GALK2: variants seen among roughly 807,000 people sequenced by gnomAD.
GALK2 encodes galactokinase 2, also known as N-acetylgalactosamine kinase.
Under a neutral mutation model 52.4 loss-of-function variants are expected in GALK2, and 36 were observed. The observed-to-expected ratio is 0.69, with a 90% CI of 0.53 to 0.91. The LOEUF is 0.91. Among genes scored for constraint, GALK2 ranks in the 40% least tolerant of loss-of-function variants. The pLI is 0.00. For synonymous variants in GALK2, 176 were observed against 199.1 expected, an observed-to-expected ratio of 0.88 and a Z score of 0.98; for missense variants, 579 against 559.1, an observed-to-expected ratio of 1.04 and a Z score of -0.36.
intron 1 of GALK2, among the ~76,000 whole-genome samples, chr15:49,177,313 T>G (rs554281848): frequency 6.6e-6 from 1 of 151,420 alleles, no homozygotes; most frequent in African/African-American, 2.4e-5. Flanking sequence ...TTTTCTTTTT[T>G]TCTTTTAAAT....
intron 3 of GALK2, among the ~76,000 whole-genome samples, chr15:49,223,568 G>T (rs1186808510): frequency 6.6e-6 from 1 of 152,104 alleles, no homozygotes; most frequent in African/African-American, 2.4e-5. Context: ...AGTCCTCAGT[G>T]TCTATTGTTC....
chr15:49,337,455 T>C (rs1332732939), intron 3 of GALK2, among the ~76,000 whole-genome samples: 1 of 151,720 alleles, frequency 6.6e-6, no homozygotes, highest in African/African-American at 2.4e-5. Context: ...ATGCTAAGCA[T>C]TTTTGCATAT....
At chr15:49,229,638 G>A (rs918621767) in intron 3 of GALK2, among the ~76,000 whole-genome samples, 1 of 152,082 alleles carries the variant, frequency 6.6e-6, no homozygotes. Flanking sequence ...CTGGCAGGGC[G>A]GGCCTATCCT....
chr15:49,323,617 A>C (rs7168201), intron 9 of GALK2, among the ~76,000 whole-genome samples: 62,977 of 152,052 alleles, frequency 0.41, 13,182 homozygotes, highest in African/African-American at 0.43. Flanking sequence ...TGCTATACAC[A>C]AGCAGAAAAT....
At chr15:49,251,402 G>T (rs913273967) in intron 5 of GALK2, among the ~76,000 whole-genome samples, 3 of 152,114 alleles carry the variant, frequency 2.0e-5, no homozygotes, top group Admixed American at 2.0e-4. Flanking sequence ...GTAGAATTCA[G>T]TATAATGACT....
chr15:49,308,411 C>G (rs2035721722), intron 8 of GALK2, among the ~76,000 whole-genome samples: 1 of 152,192 alleles, frequency 6.6e-6, no homozygotes, highest in Non-Finnish European at 1.5e-5. Flanking sequence ...ATGAAAGTCT[C>G]AGAAAGATTA....
chr15:49,270,289 T>G (rs140340597), intron 5 of GALK2, among the ~76,000 whole-genome samples: 2 of 152,364 alleles, frequency 1.3e-5, no homozygotes, highest in African/African-American at 4.8e-5. Context: ...TTACTAAGAT[T>G]CCTGGAGGCC....
At position 49,314,938 on chromosome 15, in the gene GALK2, C is replaced by T. The variant is rs185825041; in HGVS notation, c.968-4666C>T. 2.0e-5 allele frequency among the ~76,000 whole-genome samples: 3 copies of T among 152,340 alleles called. No homozygotes were observed. The East Asian group carries it at 5.8e-4, about 29-fold the overall frequency. On this transcript the variant is annotated intron_variant, in intron 8 of 9. Coordinates refer to ENST00000560031, the MANE Select transcript of GALK2 (RefSeq NM_002044.4). The stretch of plus-strand genomic sequence containing the variant: ...AACAGCTACTGCCAAGGGCCTGTCA[C>T]AGGAGCCACATGGTGTGCTGGAAGC...
chr15:49,187,780 C>G (rs1390248150), intron 1 of GALK2, among the ~76,000 whole-genome samples: 1 of 152,046 alleles, frequency 6.6e-6, no homozygotes, highest in Non-Finnish European at 1.5e-5. Flanking sequence ...CCCAAGGGCT[C>G]TTCTGTCAGC....
rs879829416 is a variant in GALK2, at chr15:49,299,775, CTTTCT to C, written c.967+7241_967+7245del. Among the ~76,000 whole-genome samples, 669 of 128,182 alleles carry C rather than the reference CTTTCT, an allele frequency of 5.2e-3. 15 individuals carry two copies. The highest frequency in any genetic ancestry group is 8.6e-3 in the Non-Finnish European group (516 of 60,274). 84.1% of individuals were successfully genotyped at this position (128,182 alleles called of 152,430 possible). ...TCTTTCTTTCTTTCTTTCTTTCTTT[CTTTCT>C]TTCTTTCTTTCTTTCGTGCTGTAGT... On this transcript the variant is annotated intron_variant, in intron 8 of 9. Coordinates refer to ENST00000560031, the MANE Select transcript of GALK2 (RefSeq NM_002044.4).
Position 49,303,088 on chromosome 15 carries a change from C to T in GALK2, c.967+10551C>T, listed in dbSNP as rs143101599. On this transcript the variant is annotated intron_variant, in intron 8 of 9. Transcript: ENST00000560031. ...TTTGCCCATCAGCTTCTATTGACTT[C>T]TCAGTTGTCTGGCTGTGGAGGACAG... 4.7e-3 allele frequency among the ~76,000 whole-genome samples: 712 copies of T among 152,212 alleles called. 4 individuals carry two copies. The highest frequency in any genetic ancestry group is 0.01 in the Middle Eastern group (3 of 294).
At chr15:49,241,279 T>C (rs967056907) in intron 5 of GALK2, among the ~76,000 whole-genome samples, 3 of 152,096 alleles carry the variant, frequency 2.0e-5, no homozygotes, top group African/African-American at 7.2e-5. Flanking sequence ...TTTGAAGCCA[T>C]AGGAGTGGAT....
chr15:49,166,615 C>T (rs1278599626), upstream of GALK2, among the ~76,000 whole-genome samples: 1 of 152,090 alleles, frequency 6.6e-6, no homozygotes, highest in Non-Finnish European at 1.5e-5. Flanking sequence ...GAGGCTGAGG[C>T]AGGAGAATCA....
At chr15:49,201,382 G>A in intron 2 of GALK2, 132 bp downstream of exon 2, 3 of 542,010 alleles carry the variant, frequency 5.5e-6, no homozygotes, top group Non-Finnish European at 9.7e-6. Flanking sequence ...AGTAAGATGT[G>A]CCTTTGCATA....
chr15:49,354,086 T>C (rs2151325030), intron 3 of GALK2: 1 of 152,352 alleles, frequency 6.6e-6, no homozygotes, highest in South Asian at 2.1e-4. Flanking sequence ...TTCTCCCACA[T>C]CACAGATAAT....
At chr15:49,236,113 G>A (rs2090788369) in intron 4 of GALK2, among the ~76,000 whole-genome samples, 172 bp downstream of exon 4, 1 of 152,158 alleles carries the variant, frequency 6.6e-6, no homozygotes, top group Non-Finnish European at 1.5e-5. Context: ...GTTTTGGGGT[G>A]GTGTTCACAG....
rs557774299 is a variant in GALK2 at position 49,280,345 on chromosome 15, A to AT, written c.505-1640dup. 1.4e-4 allele frequency among the ~76,000 whole-genome samples: 22 copies of AT among 152,294 alleles called. 1 individual carries two copies. In the East Asian group the frequency reaches 4.1e-3, roughly 28 times the overall value. On this transcript the variant is annotated intron_variant, in intron 5 of 9. Coordinates refer to ENST00000560031, the MANE Select transcript of GALK2 (RefSeq NM_002044.4). ...GGTTCCACGGCAAGGTGCTGCTTGA[A>AT]TTGTTGACTAGTTGGGAATGCGGTG... is the stretch of plus-strand genomic sequence containing the variant.
At chr15:49,232,814 G>T (rs1223356812) in intron 3 of GALK2, among the ~76,000 whole-genome samples, 2 of 151,810 alleles carry the variant, frequency 1.3e-5, no homozygotes, top group African/African-American at 4.9e-5. Flanking sequence ...CTTTACACTA[G>T]TTCCCAAGAA....
chr15:49,266,521 C>G (rs1234492691), intron 5 of GALK2, among the ~76,000 whole-genome samples: 1 of 152,198 alleles, frequency 6.6e-6, no homozygotes, highest in Non-Finnish European at 1.5e-5. Context: ...TTTCATTCTT[C>G]TTAATCTTCA....
Sources: gnomAD v4.1 joint callset for allele counts (sites outside exome capture counted in the v4.1 genomes callset) on GRCh38, gnomAD v4.1.1 for gene constraint, MANE v1.5 for transcripts, NCBI Gene and HGNC (gene_info 2026-07-23, HGNC 2026-07-21) for gene names.